The following ACBD6 variants were observed in gnomAD, a reference collection of about 807,000 sequenced individuals.
ACBD6 encodes acyl-CoA binding domain containing 6.
ACBD6 carries 28 observed loss-of-function variants against 37.2 expected under a neutral mutation model. That is an observed-to-expected ratio of 0.75 (90% CI 0.56 to 1.03). ACBD6 has a LOEUF of 1.03. Ranked by LOEUF, ACBD6 falls within the 50% of genes least tolerant of loss-of-function variation. ACBD6 has a pLI of 0.00. For synonymous variants in ACBD6, 113 were observed against 126.8 expected (o/e 0.89, Z 0.73); for missense variants, 340 against 337.4 (o/e 1.01, Z -0.06).
intron 6 of ACBD6, among the ~76,000 whole-genome samples, chr1:180,322,866 TTTTTA>T (rs1404171254): frequency 6.6e-6 from 1 of 151,762 alleles, no homozygotes; most frequent in African/African-American, 2.4e-5. Flanking sequence ...TCTGCTCTGA[TTTTTA>T]TTTTATTTAT....
rs907972689 is a variant in ACBD6 at position 180,483,162 on chromosome 1, G to A, written c.384+9107C>T. ...GTCCTTATTGCAGTTTCTAGAGTAC[G>A]TCAGGCATGATCCTACTTTAGAGAC... is the stretch of plus-strand genomic sequence containing the variant. On this transcript the variant is annotated intron_variant, in intron 3 of 7. Coordinates refer to ENST00000367595, the MANE Select transcript of ACBD6 (RefSeq NM_032360.4). Among the ~76,000 whole-genome samples, 6 of 152,012 alleles carry A rather than the reference G, an allele frequency of 3.9e-5. No individual in the cohort carries two copies. The East Asian group carries it at 9.6e-4, about 24-fold the overall frequency.
intron 3 of ACBD6, among the ~76,000 whole-genome samples, chr1:180,472,125 C>T (rs1468752304): frequency 6.6e-6 from 1 of 152,198 alleles, no homozygotes; most frequent in Non-Finnish European, 1.5e-5. Flanking sequence ...ACCTGAGGAG[C>T]TCCAAAATAT....
chr1:180,367,055 T>A (rs1332481609), intron 6 of ACBD6, among the ~76,000 whole-genome samples: 1 of 152,246 alleles, frequency 6.6e-6, no homozygotes, highest in Non-Finnish European at 1.5e-5. Context: ...GCTACACAGA[T>A]TCCTGTAAGG....
At chr1:180,327,400 G>A (rs1042737582) in intron 6 of ACBD6, among the ~76,000 whole-genome samples, 44 of 152,316 alleles carry the variant, frequency 2.9e-4, no homozygotes, top group African/African-American at 1.0e-3. Flanking sequence ...GGATTGAGAA[G>A]GGGTGGTGTC....
chr1:180,446,301 C>T (rs975918584), intron 3 of ACBD6, among the ~76,000 whole-genome samples: 4 of 151,930 alleles, frequency 2.6e-5, no homozygotes, highest in Non-Finnish European at 4.4e-5. Flanking sequence ...GTGTGAGCCA[C>T]CACACCCAGC....
intron 3 of ACBD6, among the ~76,000 whole-genome samples, chr1:180,450,621 G>A (rs914213337): frequency 2.0e-5 from 3 of 152,120 alleles, no homozygotes; most frequent in Non-Finnish European, 4.4e-5. Context: ...TTAGCCAGGC[G>A]TGGTGGCAGG....
At chr1:180,480,831 G>A (rs1185095159) in intron 3 of ACBD6, among the ~76,000 whole-genome samples, 1 of 152,146 alleles carries the variant, frequency 6.6e-6, no homozygotes, top group Non-Finnish European at 1.5e-5. Context: ...AGGAGTTCGA[G>A]ACCAGCCTAA....
At chr1:180,467,748 A>G (rs1296313447) in intron 3 of ACBD6, among the ~76,000 whole-genome samples, 1 of 152,194 alleles carries the variant, frequency 6.6e-6, no homozygotes, top group Non-Finnish European at 1.5e-5. Flanking sequence ...ACAACTTTCC[A>G]TATCATTCTT....
chr1:180,289,421 G>A (rs1026123342), intron 7 of ACBD6, among the ~76,000 whole-genome samples: 1 of 152,184 alleles, frequency 6.6e-6, no homozygotes, highest in African/African-American at 2.4e-5. Flanking sequence ...ATACCCACTA[G>A]ATTGGTGAAA....
At chr1:180,333,821 A>G (rs1651584772) in intron 6 of ACBD6, among the ~76,000 whole-genome samples, 1 of 152,132 alleles carries the variant, frequency 6.6e-6, no homozygotes, top group Non-Finnish European at 1.5e-5. Flanking sequence ...CCACTCTAAT[A>G]CTGCACTTTT....
intron 6 of ACBD6, among the ~76,000 whole-genome samples, chr1:180,356,668 G>A (rs956676034): frequency 4.0e-5 from 6 of 151,588 alleles, no homozygotes; most frequent in African/African-American, 9.7e-5. Flanking sequence ...GCAGTATGGC[G>A]AAACCCCATT....
At chr1:180,479,249 T>A (rs545511771) in intron 3 of ACBD6, among the ~76,000 whole-genome samples, 2 of 152,324 alleles carry the variant, frequency 1.3e-5, no homozygotes, top group African/African-American at 4.8e-5. Context: ...TCAACCTAAA[T>A]GTCTATCACG....
intron 7 of ACBD6, among the ~76,000 whole-genome samples, chr1:180,299,943 T>C (rs73046429): frequency 0.011 from 1,736 of 152,258 alleles, 41 homozygotes; most frequent in African/African-American, 0.04. Context: ...GGTTTTAGTA[T>C]GCTGCCACAC....
intron 9 of ACBD6, chr1:180,278,709 G>A (rs1311301360): frequency 1.3e-5 from 2 of 151,834 alleles, no homozygotes; most frequent in Non-Finnish European, 2.9e-5. Context: ...GTTGCTCTGA[G>A]CTTGCAATCA....
At chr1:180,422,724 G>A (rs1571490862) in intron 4 of ACBD6, among the ~76,000 whole-genome samples, 2 of 152,278 alleles carry the variant, frequency 1.3e-5, no homozygotes, top group Middle Eastern at 6.8e-3. Context: ...TTAGAGTATA[G>A]TGCTACATAC....
At chr1:180,271,893 A>C (rs2149266809) in exon 14 of ACBD6, 1 of 1,613,610 alleles carries the variant, frequency 6.2e-7, no homozygotes, top group Non-Finnish European at 8.5e-7. Context: ...GCAGGGCGGC[A>C]CCGCTGGGGG....
chr1:180,298,409 G>A (rs1022852202), intron 7 of ACBD6, among the ~76,000 whole-genome samples: 9 of 152,110 alleles, frequency 5.9e-5, no homozygotes, highest in African/African-American at 2.2e-4. Context: ...CAACAGTTAC[G>A]CGAGAAGATC....
chr1:180,418,070 C>T (rs1296996709), intron 4 of ACBD6, among the ~76,000 whole-genome samples: 1 of 151,764 alleles, frequency 6.6e-6, no homozygotes, highest in Non-Finnish European at 1.5e-5. Flanking sequence ...TAATCTTTCA[C>T]ATATCTAATC....
intron 3 of ACBD6, among the ~76,000 whole-genome samples, chr1:180,475,854 T>C (rs1231053108): frequency 2.6e-5 from 4 of 152,236 alleles, no homozygotes; most frequent in Non-Finnish European, 2.9e-5. Context: ...GTTTACCATA[T>C]GATGGAAAAT....
Sources: allele counts gnomAD v4.1 joint callset (sites outside exome capture counted in the v4.1 genomes callset), GRCh38; gene constraint gnomAD v4.1.1; transcripts MANE v1.5; gene names NCBI Gene and HGNC (gene_info 2026-07-23, HGNC 2026-07-21).